KMT2D: variants seen among roughly 807,000 people sequenced by gnomAD.
KMT2D encodes the protein lysine methyltransferase 2D.
In KMT2D, 55 loss-of-function variants were observed where a neutral mutation model predicts 512.7. That is an observed-to-expected ratio of 0.11 (90% CI 0.09 to 0.13). The LOEUF is 0.13. KMT2D is among the 10% of genes least tolerant of loss of function. KMT2D has a pLI of 1.00. For missense variants in KMT2D, 6,061 were observed against 7,127.9 expected (o/e 0.85, Z 5.39); for synonymous variants, 2,995 against 2,904.0 (o/e 1.03, Z -1.01).
rs1371040047 is a variant in KMT2D, at chr12:49,033,263, GTGC to G, written c.11439_11441del (p.Gln3813del). The G allele has an allele frequency of 1.3e-6, 2 of 1,561,640 alleles. No homozygotes were observed. Among genetic ancestry groups the G allele is most frequent in the East Asian group, 2.4e-5 (1 of 41,810 alleles). ...GGCCCTGGGGGCCCAAAGCTCCAGGGTGCTGCTGCTGCAACACAGCCACCTGGG... is the reference window on the plus strand; with the variant it reads ...GGCCCTGGGGGCCCAAAGCTCCAGGGTGCTGCTGCAACACAGCCACCTGGG... On this transcript the variant is annotated inframe_deletion, in exon 40 of 55. Transcript: ENST00000301067.
Position 49,051,132 on chromosome 12 carries a change from G to T in KMT2D, c.2551C>A (p.Leu851Met). The T allele has an allele frequency of 6.6e-7, 1 of 1,521,412 alleles. No individual in the cohort carries two copies. Among genetic ancestry groups the T allele is most frequent in the Non-Finnish European group, 8.8e-7 (1 of 1,135,468 alleles). The allele number at this position is 1,521,412 out of a possible 1,614,324, so 94.2% of individuals were successfully genotyped here. The change falls in exon 11 of 55, where the codon CTG (leucine) becomes ATG (methionine). Residue 851 changes from leucine to methionine, a missense_variant. Physicochemically the swap from Leu to Met is conservative, Grantham distance 15. Transcript: ENST00000301067. ...CLSPRPEESH[L>M]SPELEKPPLS... is the part of the protein sequence containing the mutation. ...GGTGGCTTCTCAAGCTCAGGGGACA[G>T]ATGCGATTCCTCAGGCCGGGGGGAC...
At position 49,034,447 on chromosome 12, in the gene KMT2D, A is replaced by T. The variant is rs373377423; in HGVS notation, c.10470T>A (p.Pro3490=). 3.1e-6 allele frequency: 5 copies of T among 1,613,692 alleles called. No homozygotes were observed. Among genetic ancestry groups the T allele is most frequent in the Admixed American group, 1.7e-5 (1 of 59,974 alleles). Residue 3490 remains proline (P), a synonymous_variant, in exon 38 of 55, where the codon CCT becomes CCA. Transcript: ENST00000301067. ...GAGCAAAAGTGGGCGGGTTGGGACG[A>T]GGCTGGGAGGGATCACCAGCACTCC... The part of the protein sequence containing the change: ...QERSAGDPSQ[P]RPNPPTFAQG...
rs148143899 is a variant in KMT2D at position 49,037,255 on chromosome 12, C to G, written c.10101G>C (p.Leu3367Phe). 14 of 1,613,682 alleles carry G rather than the reference C, an allele frequency of 8.7e-6. No individual in the cohort carries two copies. In the East Asian group the frequency reaches 2.9e-4, roughly 33 times the overall value. Residue 3367 changes from leucine (L) to phenylalanine (F), a missense_variant, in exon 35 of 55, where the codon TTG (leucine) becomes TTC (phenylalanine). By Grantham distance (22) the Leu-to-Phe change is conservative. Transcript: ENST00000301067. ...LSGQHGGQAG[L>F]VPQQSSQPVL... The stretch of plus-strand genomic sequence containing the variant: ...CTGGCTGTGAGCTCTGCTGGGGTAC[C>G]AAGCCTGCCTGCCCTCCATGCTGCC...
At position 49,021,292 on chromosome 12, in the gene KMT2D, GGGTGGGGGCAGGACCCGGCA is replaced by G. The variant is rs1241892835; in HGVS notation, c.*468_*487del. ...TCAAGAGGGAGGGGGATGGGGGTGA[GGGTGGGGGCAGGACCCGGCA>G]GGCAGGGCCAGGTGTGGGACCCGGC... On this transcript the variant is annotated 3_prime_UTR_variant, in exon 55 of 55. Coordinates refer to ENST00000301067, the MANE Select transcript of KMT2D (RefSeq NM_003482.4). 1 of 233,890 alleles carries G rather than the reference GGGTGGGGGCAGGACCCGGCA, an allele frequency of 4.3e-6. No homozygotes were observed. Among genetic ancestry groups the G allele is most frequent in the Non-Finnish European group, 8.4e-6 (1 of 118,366 alleles). 14.5% of individuals were successfully genotyped at this position (233,890 alleles called of 1,614,324 possible).
rs774115773 is a variant in KMT2D, at chr12:49,040,471, T to C, written c.7299A>G (p.Glu2433=). 1 of 1,566,700 alleles carries C rather than the reference T, an allele frequency of 6.4e-7. No individual in the cohort carries two copies. The highest frequency in any genetic ancestry group is 8.7e-7 in the Non-Finnish European group (1 of 1,154,920). ...SPLTPRPLSA[E]AFCPSPVTPR... ...GGGTAACGGGTGATGGGCAAAAAGC[T>C]TCAGCAGACAGAGGCCGGGGTGTCA... is the stretch of plus-strand genomic sequence containing the variant. The change falls in exon 32 of 55, where the codon GAA becomes GAG. Residue 2433 remains glutamate, a synonymous_variant. Coordinates refer to ENST00000301067, the MANE Select transcript of KMT2D (RefSeq NM_003482.4).
Position 49,046,626 on chromosome 12 carries a change from G to T in KMT2D, c.4401C>A (p.Gly1467=), listed in dbSNP as rs192659833. 1 of 1,612,008 alleles carries T rather than the reference G, an allele frequency of 6.2e-7. No homozygotes were observed. Among genetic ancestry groups the T allele is most frequent in the Non-Finnish European group, 8.5e-7 (1 of 1,178,442 alleles). Residue 1467 remains glycine (G), a synonymous_variant, in exon 16 of 55, where the codon GGC becomes GGA. Transcript: ENST00000301067. This position sits in a 1 kb window ranked among gnomAD's most constrained non-coding sequence, Gnocchi z 4.2. Reference sequence around the variant, plus strand: ...CTCCTTACCACTTGCACTTCCAGCCGCCCTTGGGGACGGTGAGCAGTGGGG... The same window carrying T: ...CTCCTTACCACTTGCACTTCCAGCCTCCCTTGGGGACGGTGAGCAGTGGGG... ...LDPPLLTVPK[G]GWKCKWCVSC... is the part of the protein sequence containing the mutation.
At position 49,044,958 on chromosome 12, in the gene KMT2D, C is replaced by T. The variant is rs1943718307; in HGVS notation, c.4749G>A (p.Gln1583=). ...GCCACACACCTTCGAAGCGAAAGTACTGGGGCTCTGCATAAGAGGAAAGAG... is the reference window on the plus strand; with the variant it reads ...GCCACACACCTTCGAAGCGAAAGTATTGGGGCTCTGCATAAGAGGAAAGAG... ...VPMKVKEPEP[Q]YFRFEGVWLT... The change falls in exon 20 of 55, where the codon CAG becomes CAA. Residue 1583 remains glutamine, a synonymous_variant. Coordinates refer to ENST00000301067, the MANE Select transcript of KMT2D (RefSeq NM_003482.4). The surrounding 1 kb of genome is among the most constrained non-coding windows in gnomAD (Gnocchi z 6.4). 2 of 1,613,440 alleles carry T rather than the reference C, an allele frequency of 1.2e-6. No homozygotes were observed. The highest frequency in any genetic ancestry group is 1.7e-5 in the Admixed American group (1 of 60,002).
In KMT2D at chr12:49,039,081, CAGTG is replaced by C; in HGVS notation, c.8367-96_8367-93del. 1.3e-6 allele frequency: 2 copies of C among 1,511,388 alleles called. No homozygotes were observed. Among genetic ancestry groups the C allele is most frequent in the Non-Finnish European group, 1.8e-6 (2 of 1,096,212 alleles). 93.6% of individuals were successfully genotyped at this position (1,511,388 alleles called of 1,614,324 possible). On this transcript the variant is annotated intron_variant, in intron 34 of 54. Transcript: ENST00000301067. This position sits in a 1 kb window ranked among gnomAD's most constrained non-coding sequence, Gnocchi z 5.0. Reference sequence around the variant, plus strand: ...GCAGTGAGGAAGGATAGAATTAATGCAGTGAGGGAGAAAAGGAATGAGGAAGAAG... The same window carrying C: ...GCAGTGAGGAAGGATAGAATTAATGCAGGGAGAAAAGGAATGAGGAAGAAG...
intron 7 of KMT2D, 56 bp from the exon 8 acceptor site, chr12:49,053,377 TTTG>T: frequency 6.2e-7 from 1 of 1,606,738 alleles, no homozygotes; most frequent in Middle Eastern, 1.7e-4. Context: ...TCCTTTCTTT[TTTG>T]TTGTTTTCAT....
rs2120486862 is a variant in KMT2D, at chr12:49,037,873, C to T, written c.9483G>A (p.Met3161Ile). The T allele has an allele frequency of 6.3e-7, 1 of 1,597,918 alleles. No individual in the cohort carries two copies. The highest frequency in any genetic ancestry group is 8.5e-7 in the Non-Finnish European group (1 of 1,172,334). The change falls in exon 35 of 55, where the codon ATG becomes ATA. Residue 3161 changes from methionine to isoleucine, a missense_variant. By Grantham distance (10) the Met-to-Ile change is conservative. This residue lies in a region of KMT2D where 533 missense variants were observed against 539.6 expected (regional missense o/e 0.99). Coordinates refer to ENST00000301067, the MANE Select transcript of KMT2D (RefSeq NM_003482.4). Reference protein sequence around the residue: ...GLGLKPGQSMMGSRDTRMGTG... With the variant: ...GLGLKPGQSMIGSRDTRMGTG... The stretch of plus-strand genomic sequence containing the variant: ...TGCCCATCCGGGTATCCCGGCTGCC[C>T]ATCATGCTCTGTCCTGGCTTTAGCC...
At position 49,054,161 on chromosome 12, in the gene KMT2D, C is replaced by G. The variant is rs1938257309; in HGVS notation, c.511-21G>C. On this transcript the variant is annotated intron_variant, in intron 5 of 54. Coordinates refer to ENST00000301067, the MANE Select transcript of KMT2D (RefSeq NM_003482.4). The surrounding 1 kb of genome is among the most constrained non-coding windows in gnomAD (Gnocchi z 6.4). The stretch of plus-strand genomic sequence containing the variant: ...CAGCGCTGCCAGGGTGAAAAAAGAG[C>G]CTCAGTGTCAGCCAGCTCTCCCCAG... 3 of 1,576,040 alleles carry G rather than the reference C, an allele frequency of 1.9e-6. No individual in the cohort carries two copies. Among genetic ancestry groups the G allele is most frequent in the Non-Finnish European group, 1.7e-6 (2 of 1,159,858 alleles).
rs2120632631 is a variant in KMT2D, at chr12:49,049,224, T to A, written c.3907-6A>T. The A allele has an allele frequency of 1.3e-6, 2 of 1,572,694 alleles. No individual in the cohort carries two copies. Among genetic ancestry groups the A allele is most frequent in the Non-Finnish European group, 1.7e-6 (2 of 1,151,354 alleles). ...GGGAAACTGCTGCTGCGACCCTGAG[T>A]GAAAGAAGGGGACAATGACAGGAGC... On this transcript the variant is annotated splice_region_variant and splice_polypyrimidine_tract_variant and intron_variant, in intron 12 of 54. Coordinates refer to ENST00000301067, the MANE Select transcript of KMT2D (RefSeq NM_003482.4).
rs777250293 is a variant in KMT2D at position 49,041,161 on chromosome 12, C to T, written c.6609G>A (p.Thr2203=). ...GCATCGGGGGCTGCGCAGGGGCCCC[C>T]GTAGGACTAGGATAGGGGGGATAGG... is the stretch of plus-strand genomic sequence containing the variant. ...PPTYPPYPSP[T]GAPAQPPMLG... Residue 2203 remains threonine, a synonymous_variant, in exon 32 of 55, where the codon ACG becomes ACA. Coordinates refer to ENST00000301067, the MANE Select transcript of KMT2D (RefSeq NM_003482.4). The surrounding 1 kb of genome is among the most constrained non-coding windows in gnomAD (Gnocchi z 5.4). 22 of 1,520,584 alleles carry T rather than the reference C, an allele frequency of 1.4e-5. No individual in the cohort carries two copies. Among genetic ancestry groups the T allele is most frequent in the South Asian group, 1.3e-4 (10 of 75,126 alleles). The allele number at this position is 1,520,584 out of a possible 1,614,324, so 94.2% of individuals were successfully genotyped here.
rs886049468 is a variant in KMT2D at position 49,021,576 on chromosome 12, G to T, written c.*204C>A. The T allele has an allele frequency of 3.6e-6, 2 of 561,252 alleles. No individual in the cohort carries two copies. Among genetic ancestry groups the T allele is most frequent in the Admixed American group, 6.2e-5 (2 of 32,038 alleles). The allele number at this position is 561,252 out of a possible 1,614,324, so 34.8% of individuals were successfully genotyped here. A position where few individuals can be genotyped will look rare whatever the true frequency, so the allele number is the denominator to read the frequency against. On this transcript the variant is annotated 3_prime_UTR_variant, in exon 55 of 55. Coordinates refer to ENST00000301067, the MANE Select transcript of KMT2D (RefSeq NM_003482.4). ...CAGAGATGCCAGCCTGAGGGCCGGT[G>T]GTGGGGAAGAGGATTGTCCCTGGTG...
chr12:49,041,953 C>T lies in KMT2D; in HGVS notation c.6147G>A (p.Trp2049Ter). Residue 2049 changes from tryptophan (W) to a stop codon, truncating the protein, a stop_gained, in exon 30 of 55, where the codon TGG becomes TGA. Transcript: ENST00000301067. LOFTEE classifies it high-confidence loss of function. The surrounding 1 kb of genome is among the most constrained non-coding windows in gnomAD (Gnocchi z 5.4). The stretch of plus-strand genomic sequence containing the variant: ...CTTTGTCAGCTGCTGGAACCTTTCT[C>T]CAGAGCTTCATGATTTGTTTGCAAC... ...SSRCKQIMKL[W>*]RKVPAADKAP... The T allele has an allele frequency of 6.2e-7, 1 of 1,610,968 alleles. No homozygotes were observed. Among genetic ancestry groups the T allele is most frequent in the Non-Finnish European group, 8.5e-7 (1 of 1,178,570 alleles).
rs1163959099 is a variant in KMT2D at position 49,040,655 on chromosome 12, C to A, written c.7115G>T (p.Gly2372Val). The A allele has an allele frequency of 6.2e-7, 1 of 1,613,668 alleles. No individual in the cohort carries two copies. Among genetic ancestry groups the A allele is most frequent in the Admixed American group, 1.7e-5 (1 of 60,012 alleles). ...CTGAGCATATGGGTCAGTGTAGGAG[C>A]CAGGGCGAAAGATGTCTGGGTGACT... ...PPSHPDIFRPGSYTDPYAQPP... is the reference protein window; with the variant it reads ...PPSHPDIFRPVSYTDPYAQPP... Residue 2372 changes from glycine (G) to valine (V), a missense_variant, in exon 32 of 55, where the codon GGC (glycine) becomes GTC (valine). Transcript: ENST00000301067.
rs764603750 is a variant in KMT2D at position 49,045,932 on chromosome 12, C to G, written c.4729G>C (p.Val1577Leu). The part of the protein sequence containing the change: ...VAPPELVPMK[V>L]KEPEPQYFRF... The stretch of plus-strand genomic sequence containing the variant: ...TTCTGTGACTCACCTGGCTCTTTCA[C>G]CTTCATGGGCACCAGCTCTGGAGGT... Residue 1577 changes from valine (V) to leucine (L), a missense_variant, in exon 19 of 55, where the codon GTG becomes CTG. Physicochemically the swap from Val to Leu is conservative, Grantham distance 32. Coordinates refer to ENST00000301067, the MANE Select transcript of KMT2D (RefSeq NM_003482.4). 5.0e-6 allele frequency: 8 copies of G among 1,613,916 alleles called. No homozygotes were observed. Among genetic ancestry groups the G allele is most frequent in the Non-Finnish European group, 6.8e-6 (8 of 1,179,830 alleles).
chr12:49,041,256 G>A lies in KMT2D; in HGVS notation c.6514C>T (p.Pro2172Ser), dbSNP rs2120544041. Residue 2172 changes from proline (P) to serine (S), a missense_variant, in exon 32 of 55, where the codon CCT (proline) becomes TCT (serine). Physicochemically the swap from Pro to Ser is moderately conservative, Grantham distance 74 (BLOSUM62 -1). Around this residue, in one of 16 missense-constraint regions of KMT2D, gnomAD observed 710 missense variants for 647.3 expected, o/e 1.10. Transcript: ENST00000301067. This position sits in a 1 kb window ranked among gnomAD's most constrained non-coding sequence, Gnocchi z 5.4. ...KLPPQVPAQV[P>S]SQDPFGLAPA... ...GCCAGTCCAAAGGGGTCCTGCGAAG[G>A]CACTTGGGCGGGCACCTGGGGTGGG... The A allele has an allele frequency of 1.3e-6, 2 of 1,516,828 alleles. No homozygotes were observed. Among genetic ancestry groups the A allele is most frequent in the Non-Finnish European group, 1.8e-6 (2 of 1,136,794 alleles). The allele number at this position is 1,516,828 out of a possible 1,614,324, so 94.0% of individuals were successfully genotyped here.
At chr12:49,058,173 G>C (rs1174770621) in intron 1 of KMT2D, among the ~76,000 whole-genome samples, 2 of 152,090 alleles carry the variant, frequency 1.3e-5, no homozygotes, top group Admixed American at 6.6e-5. Context: ...GATCCAAATG[G>C]AACACTGGCC....
Sources: allele counts gnomAD v4.1 joint callset (sites outside exome capture counted in the v4.1 genomes callset), GRCh38; gene constraint gnomAD v4.1.1; regional missense constraint gnomAD v4.1.1; non-coding constraint Gnocchi (gnomAD v3.1); transcripts MANE v1.5; gene names NCBI Gene and HGNC (gene_info 2026-07-23, HGNC 2026-07-21).